ARMC2: variants seen among roughly 807,000 people sequenced by gnomAD.
ARMC2 encodes the protein armadillo repeat-containing protein 2.
A neutral mutation model predicts 90.3 loss-of-function variants in ARMC2; 67 were observed. That is an observed-to-expected ratio of 0.74 (90% CI 0.61 to 0.91). ARMC2 has a LOEUF of 0.91. ARMC2 is among the 40% of genes least tolerant of loss of function. ARMC2 has a pLI of 0.00. For synonymous variants in ARMC2, 393 were observed against 393.0 expected, an observed-to-expected ratio of 1.00 and a Z score of 0.00; for missense variants, 920 against 1,030.9, an observed-to-expected ratio of 0.89 and a Z score of 1.47.
the ARMC2 span, among the ~76,000 whole-genome samples, chr6:109,031,565 T>C: frequency 6.6e-6 from 1 of 152,090 alleles, no homozygotes; most frequent in Non-Finnish European, 1.5e-5. Flanking sequence ...GGAGAACCCT[T>C]CCCTGACCCC....
chr6:108,985,206 T>C, the ARMC2 span, among the ~76,000 whole-genome samples: 7 of 152,198 alleles, frequency 4.6e-5, no homozygotes, highest in Admixed American at 2.0e-4. Flanking sequence ...TATCTCCTGG[T>C]GGTCTGTATC....
At chr6:108,989,419 CTAGAGA>C in the ARMC2 span, among the ~76,000 whole-genome samples, 1 of 148,240 alleles carries the variant, frequency 6.7e-6, no homozygotes, top group East Asian at 2.0e-4. Context: ...ATCTCTAGAT[CTAGAGA>C]TATATATCTA....
intron 3 of ARMC2, among the ~76,000 whole-genome samples, chr6:108,860,478 C>T (rs1280548228): frequency 2.6e-5 from 4 of 151,688 alleles, no homozygotes; most frequent in South Asian, 2.1e-4. Context: ...CTGCCTAACA[C>T]GGTGAAACCC....
the ARMC2 span, chr6:109,000,393 AGGAACTCTCT>A: frequency 1.1e-6 from 1 of 888,374 alleles, no homozygotes; most frequent in Non-Finnish European, 1.6e-6. Flanking sequence ...GGTAGAAAAT[AGGAACTCTCT>A]GTACTTTCTG....
downstream of ARMC2, among the ~76,000 whole-genome samples, chr6:108,976,411 TGTA>T (rs1778984349): frequency 6.6e-6 from 1 of 152,192 alleles, no homozygotes; most frequent in Non-Finnish European, 1.5e-5. Context: ...ACTGTAGCCT[TGTA>T]GTATAGTTTG....
At chr6:109,015,688 G>A in the ARMC2 span, among the ~76,000 whole-genome samples, 1 of 152,132 alleles carries the variant, frequency 6.6e-6, no homozygotes, top group Non-Finnish European at 1.5e-5. Flanking sequence ...AGGGGGAAAT[G>A]GACGGTTAGG....
At chr6:108,938,505 T>C (rs984418182) in intron 12 of ARMC2, among the ~76,000 whole-genome samples, 1 of 151,092 alleles carries the variant, frequency 6.6e-6, no homozygotes, top group African/African-American at 2.4e-5. Flanking sequence ...AAGAATTCTT[T>C]TACATGTTAT....
chr6:109,005,862 A>C, the ARMC2 span, among the ~76,000 whole-genome samples: 1 of 152,218 alleles, frequency 6.6e-6, no homozygotes, highest in Non-Finnish European at 1.5e-5. Context: ...TTTGTTATAG[A>C]TTCTAGTCTT....
chr6:108,987,415 C>G, the ARMC2 span: 2 of 558,696 alleles, frequency 3.6e-6, no homozygotes, highest in South Asian at 5.4e-5. Flanking sequence ...ATAGCAGAAA[C>G]TAAAGGAATC....
At chr6:108,948,199 G>A (rs1251641092) in intron 12 of ARMC2, among the ~76,000 whole-genome samples, 6 of 152,170 alleles carry the variant, frequency 3.9e-5, no homozygotes, top group African/African-American at 1.4e-4. Context: ...GCAGACCTTG[G>A]TTCAGTAGGG....
chr6:108,987,738 A>T, the ARMC2 span: 1 of 591,466 alleles, frequency 1.7e-6, no homozygotes, highest in African/African-American at 1.9e-5. Flanking sequence ...TACACTTCCT[A>T]TGTAGTACAG....
chr6:108,975,776 G>A (rs1160605668), downstream of ARMC2, among the ~76,000 whole-genome samples: 4 of 152,060 alleles, frequency 2.6e-5, no homozygotes, highest in Non-Finnish European at 4.4e-5. Flanking sequence ...TTTTTTTCAT[G>A]TTTGTTGGCT....
intron 3 of ARMC2, among the ~76,000 whole-genome samples, chr6:108,863,974 T>C (rs1775549261): frequency 6.6e-6 from 1 of 152,172 alleles, no homozygotes; most frequent in Non-Finnish European, 1.5e-5. Context: ...AGGTAATTGA[T>C]AAGTGAAACA....
At chr6:109,014,656 G>T in the ARMC2 span, among the ~76,000 whole-genome samples, 31 of 152,106 alleles carry the variant, frequency 2.0e-4, no homozygotes, top group Non-Finnish European at 4.3e-4. Context: ...TTGTTTTTAA[G>T]AAATCATGGA....
chr6:109,029,325 T>TG, the ARMC2 span, among the ~76,000 whole-genome samples: 1 of 152,222 alleles, frequency 6.6e-6, no homozygotes, highest in Non-Finnish European at 1.5e-5. Flanking sequence ...ACCAAAAAGT[T>TG]GGTCTCCAGA....
chr6:109,040,938 C>T, the ARMC2 span, among the ~76,000 whole-genome samples: 64 of 151,978 alleles, frequency 4.2e-4, 2 homozygotes, highest in South Asian at 0.013. Context: ...AGGCGTGAGC[C>T]ACCGCACCTG....
At chr6:108,949,807 T>A (rs746423485) in intron 12 of ARMC2, among the ~76,000 whole-genome samples, 9 of 152,164 alleles carry the variant, frequency 5.9e-5, no homozygotes, top group Admixed American at 4.6e-4. Flanking sequence ...CCCATAAATA[T>A]CCCATAGCTT....
chr6:109,020,815 A>G, the ARMC2 span, among the ~76,000 whole-genome samples: 1 of 152,200 alleles, frequency 6.6e-6, no homozygotes, highest in African/African-American at 2.4e-5. Flanking sequence ...TCAGTTTGCC[A>G]AATTTATATT....
chr6:108,895,187 G>A (rs1364937705), intron 6 of ARMC2, among the ~76,000 whole-genome samples: 10 of 150,950 alleles, frequency 6.6e-5, no homozygotes, highest in South Asian at 2.1e-4. Flanking sequence ...GCTTGGCTGG[G>A]CATGGTGGCT....
Sources: allele counts gnomAD v4.1 joint callset (sites outside exome capture counted in the v4.1 genomes callset), GRCh38; gene constraint gnomAD v4.1.1; transcripts MANE v1.5; gene names NCBI Gene and HGNC (gene_info 2026-07-23, HGNC 2026-07-21).